GPR35: variants seen among roughly 807,000 people sequenced by gnomAD.
GPR35 encodes G protein-coupled receptor 35.
For missense variants in GPR35, 372 were observed against 422.5 expected (o/e 0.88, Z 1.05); for synonymous variants, 207 against 198.4 (o/e 1.04, Z -0.36).
upstream of GPR35, among the ~76,000 whole-genome samples, chr2:240,624,729 G>A (rs923946516): frequency 9.9e-5 from 15 of 152,238 alleles, no homozygotes; most frequent in African/African-American, 3.6e-4. Context: ...GGCCCAGGAA[G>A]GGGGTGCTCT....
At chr2:240,626,607 G>A (rs1279249419) in intron 1 of GPR35, among the ~76,000 whole-genome samples, 2 of 152,140 alleles carry the variant, frequency 1.3e-5, no homozygotes, top group Non-Finnish European at 1.5e-5. Context: ...AGAATACCCC[G>A]TGCTGTGGCC....
upstream of GPR35, among the ~76,000 whole-genome samples, chr2:240,623,274 C>T (rs1344952671): frequency 6.6e-6 from 1 of 151,870 alleles, no homozygotes; most frequent in African/African-American, 2.4e-5. Context: ...GTGATAAAAT[C>T]AAACAGGGTG....
intron 2 of GPR35, among the ~76,000 whole-genome samples, chr2:240,612,426 CAAAAA>C (rs5839796): frequency 5.2e-5 from 4 of 76,706 alleles, no homozygotes; most frequent in Non-Finnish European, 7.7e-5. Context: ...GACTCTGTCT[CAAAAA>C]AAAAAAAAAA....
At position 240,613,949 on chromosome 2, in the gene GPR35, C is replaced by T. The variant is rs533683633; in HGVS notation, c.-576-2439C>T. On this transcript the variant is annotated intron_variant, in intron 2 of 5. Coordinates refer to the GPR35 transcript ENST00000319838. ...ACCCTAACCGAAACTCTAACCCTAA[C>T]CCTAACTCAACCCAAACCTTAACCC... Among the ~76,000 whole-genome samples, 289 of 152,044 alleles carry T rather than the reference C, an allele frequency of 1.9e-3. 2 individuals carry two copies. Among genetic ancestry groups the T allele is most frequent in the African/African-American group, 6.7e-3 (277 of 41,442 alleles).
upstream of GPR35, among the ~76,000 whole-genome samples, chr2:240,624,226 T>TGGGAGTTGAGATCGGAC (rs11275380): frequency 6.6e-6 from 1 of 152,024 alleles, no homozygotes; most frequent in East Asian, 1.9e-4. Flanking sequence ...GAGTGAGGGA[T>TGGGAGTTGAGATCGGAC]GGATGAAATC....
At chr2:240,610,716 C>T (rs1039453553) in intron 2 of GPR35, among the ~76,000 whole-genome samples, 15 of 151,976 alleles carry the variant, frequency 9.9e-5, no homozygotes, top group African/African-American at 3.4e-4. Context: ...CTCACTGCAA[C>T]CTCCACCTCC....
chr2:240,618,206 C>T (rs1442638523), intron 4 of GPR35, among the ~76,000 whole-genome samples: 1 of 152,096 alleles, frequency 6.6e-6, no homozygotes, highest in Non-Finnish European at 1.5e-5. Context: ...TCAAACAATA[C>T]CCAACATAGT....
chr2:240,607,289 T>TCTCCC (rs1158581858), intron 2 of GPR35: 1 of 151,944 alleles, frequency 6.6e-6, no homozygotes, highest in Non-Finnish European at 1.5e-5. Flanking sequence ...CTCAGGTGAT[T>TCTCCC]CTCCCACCTT....
intron 3 of GPR35, among the ~76,000 whole-genome samples, chr2:240,616,782 C>T (rs1038348799): frequency 6.7e-5 from 10 of 148,604 alleles, no homozygotes; most frequent in Non-Finnish European, 1.0e-4. Flanking sequence ...TTGTCTCTTC[C>T]GTGATTAGGT....
At chr2:240,625,243 C>G (rs932812234), upstream of GPR35, 1 of 984,856 alleles carries the variant, frequency 1.0e-6, no homozygotes, top group African/African-American at 1.7e-5. Flanking sequence ...CACGCTGTTT[C>G]CAGAACAAAT....
intron 2 of GPR35, among the ~76,000 whole-genome samples, chr2:240,615,860 G>A (rs1159979565): frequency 6.6e-6 from 1 of 152,242 alleles, no homozygotes; most frequent in African/African-American, 2.4e-5. Flanking sequence ...GAGTTTTGCA[G>A]CAGGGAAGGG....
chr2:240,616,741 TAAAAA>T (rs767683322), intron 3 of GPR35, among the ~76,000 whole-genome samples: 9 of 99,944 alleles, frequency 9.0e-5, no homozygotes, highest in Non-Finnish European at 1.3e-4. Context: ...AACAATACAG[TAAAAA>T]AAAAAAAAAA....
chr2:240,623,747 C>A (rs1442689334), upstream of GPR35, among the ~76,000 whole-genome samples: 1 of 152,018 alleles, frequency 6.6e-6, no homozygotes, highest in Non-Finnish European at 1.5e-5. Context: ...ACAGGTGGAA[C>A]CTGGTGGCAA....
At chr2:240,618,729 A>G (rs2953148) in intron 4 of GPR35, among the ~76,000 whole-genome samples, 118,890 of 152,208 alleles carry the variant, frequency 0.78, 46,779 homozygotes, top group East Asian at 0.97. Context: ...CAAATTTTGT[A>G]GCTTATCTTT....
chr2:240,624,137 C>T (rs928860152), upstream of GPR35, among the ~76,000 whole-genome samples: 2 of 152,158 alleles, frequency 1.3e-5, no homozygotes, highest in African/African-American at 2.4e-5. Context: ...CACCTCCAGT[C>T]CCTGCTTGAC....
intron 3 of GPR35, chr2:240,616,631 T>C (rs2043240519): frequency 3.0e-6 from 2 of 675,164 alleles, no homozygotes. Context: ...ATCACGAATG[T>C]GGCAGGAAGC....
upstream of GPR35, among the ~76,000 whole-genome samples, chr2:240,623,166 C>T (rs1369355370): frequency 6.6e-6 from 1 of 152,200 alleles, no homozygotes; most frequent in Non-Finnish European, 1.5e-5. Context: ...TTCACAGAGG[C>T]CGGGCTCTGT....
rs143712491 is a variant in GPR35 at position 240,630,358 on chromosome 2, G to C, written c.406G>C (p.Val136Leu). ...GLRSPRQAAAVCAVLWVLVIG... is the reference protein window; with the variant it reads ...GLRSPRQAAALCAVLWVLVIG... ...GCGGTCCCCCAGGCAGGCTGCGGCC[G>C]TGTGCGCGGTCCTCTGGGTGCTGGT... The change falls in exon 2 of 2, where the codon GTG becomes CTG. Residue 136 changes from valine to leucine, a missense_variant. Coordinates refer to ENST00000407714, the MANE Select transcript of GPR35 (RefSeq NM_005301.5). 6.2e-7 allele frequency: 1 copy of C among 1,606,176 alleles called. No homozygotes were observed. The highest frequency in any genetic ancestry group is 8.5e-7 in the Non-Finnish European group (1 of 1,178,856).
In GPR35 at chr2:240,633,052, A is replaced by G. The variant is rs2043466656; in HGVS notation, c.*2170A>G. Among the ~76,000 whole-genome samples, 1 of 152,214 alleles carries G rather than the reference A, an allele frequency of 6.6e-6. No homozygotes were observed. Among genetic ancestry groups the G allele is most frequent in the Non-Finnish European group, 1.5e-5 (1 of 68,036 alleles). ...ACTTCTCCTTCCTACTGTCTTATGAAGAAGGTTCCTTGCTTCCCCTTCACC... is the reference window on the plus strand; with the variant it reads ...ACTTCTCCTTCCTACTGTCTTATGAGGAAGGTTCCTTGCTTCCCCTTCACC... On this transcript the variant is annotated 3_prime_UTR_variant, in exon 2 of 2. Coordinates refer to ENST00000407714, the MANE Select transcript of GPR35 (RefSeq NM_005301.5).
Sources: allele counts gnomAD v4.1 joint callset (sites outside exome capture counted in the v4.1 genomes callset), GRCh38; gene constraint gnomAD v4.1.1; transcripts MANE v1.5; gene names NCBI Gene and HGNC (gene_info 2026-07-23, HGNC 2026-07-21).